Variants in TMTC2 observed in about 807,000 individuals in gnomAD.
The protein encoded by TMTC2 is transmembrane O-mannosyltransferase targeting cadherins 2, also known as protein O-mannosyl-transferase TMTC2.
Under a neutral mutation model 82.4 loss-of-function variants are expected in TMTC2, and 43 were observed. That is an observed-to-expected ratio of 0.52 (90% CI 0.41 to 0.67). The LOEUF is 0.67. Ranked by LOEUF, TMTC2 falls within the 30% of genes least tolerant of loss-of-function variation. The pLI is 0.00. For missense variants in TMTC2, 919 were observed against 1,012.4 expected (o/e 0.91, Z 1.25); for synonymous variants, 408 against 381.9 (o/e 1.07, Z -0.80).
intron 2 of TMTC2, among the ~76,000 whole-genome samples, chr12:82,882,765 C>T (rs2137157954): frequency 6.6e-6 from 1 of 152,110 alleles, no homozygotes; most frequent in South Asian, 2.1e-4. Flanking sequence ...AGTTTAAAAA[C>T]TATAGTCTAG....
intron 4 of TMTC2, among the ~76,000 whole-genome samples, chr12:82,957,215 A>C (rs1877662238): frequency 6.6e-6 from 1 of 152,152 alleles, no homozygotes; most frequent in African/African-American, 2.4e-5. Context: ...AAAAATAAAA[A>C]TCATTACCTA....
At chr12:83,002,375 A>G (rs1185243962) in intron 8 of TMTC2, among the ~76,000 whole-genome samples, 1 of 152,080 alleles carries the variant, frequency 6.6e-6, no homozygotes, top group Non-Finnish European at 1.5e-5. Context: ...ATGATCTATC[A>G]ACTTTGTTTA....
At chr12:83,009,501 A>AC (rs1408456477) in intron 8 of TMTC2, among the ~76,000 whole-genome samples, 1 of 152,078 alleles carries the variant, frequency 6.6e-6, no homozygotes, top group Non-Finnish European at 1.5e-5. Flanking sequence ...CTTTCTCTCC[A>AC]CATTGTAGGG....
intron 11 of TMTC2, among the ~76,000 whole-genome samples, chr12:83,084,876 A>G (rs1278000810): frequency 6.6e-6 from 1 of 152,240 alleles, no homozygotes; most frequent in Non-Finnish European, 1.5e-5. Flanking sequence ...CACTTTTAGA[A>G]ATCTGACTAT....
chr12:82,987,313 A>G (rs1273927775), intron 8 of TMTC2, among the ~76,000 whole-genome samples: 2 of 151,224 alleles, frequency 1.3e-5, no homozygotes, highest in African/African-American at 2.4e-5. Context: ...TATCCCAGCT[A>G]CTCAGGTGGC....
chr12:83,004,931 C>T (rs1490843094), intron 8 of TMTC2, among the ~76,000 whole-genome samples: 1 of 150,884 alleles, frequency 6.6e-6, no homozygotes, highest in Non-Finnish European at 1.5e-5. Context: ...GAGGGCGGAT[C>T]ACTTGAGGTC....
At chr12:82,954,823 T>C (rs560713672) in intron 4 of TMTC2, among the ~76,000 whole-genome samples, 60 of 152,374 alleles carry the variant, frequency 3.9e-4, no homozygotes, top group African/African-American at 1.4e-3. Context: ...AAAGAGACAC[T>C]GACAATTTGG....
chr12:82,766,986 G>C (rs1429598660), intron 1 of TMTC2, among the ~76,000 whole-genome samples: 1 of 152,086 alleles, frequency 6.6e-6, no homozygotes, highest in Admixed American at 6.5e-5. Flanking sequence ...TGTATTTTTA[G>C]TAGAGATGGG....
chr12:82,939,822 C>T (rs1347646772), intron 4 of TMTC2, among the ~76,000 whole-genome samples: 2 of 152,114 alleles, frequency 1.3e-5, no homozygotes, highest in South Asian at 2.1e-4. Context: ...ATTTGTTTCC[C>T]ACACTTCTTG....
chr12:82,823,931 T>C (rs952782074), intron 1 of TMTC2, among the ~76,000 whole-genome samples: 1 of 150,656 alleles, frequency 6.6e-6, no homozygotes, highest in African/African-American at 2.4e-5. Context: ...TCTCGCTCTA[T>C]CACCCATGCT....
rs1883976113 is a variant in TMTC2 at position 83,095,069 on chromosome 12, C to T, written c.2331+33238C>T. Among the ~76,000 whole-genome samples, 3 of 152,170 alleles carry T rather than the reference C, an allele frequency of 2.0e-5. No homozygotes were observed. The South Asian group carries it at 6.2e-4, about 32-fold the overall frequency. ...ACTTAAAAAACATGGCACATTAGTG[C>T]CAGTTGGGGAAGCTTACAAGGGAAT... On this transcript the variant is annotated intron_variant, in intron 11 of 11. Transcript: ENST00000321196.
intron 1 of TMTC2, among the ~76,000 whole-genome samples, chr12:82,826,660 T>C (rs567979203): frequency 2.0e-5 from 3 of 152,332 alleles, no homozygotes; most frequent in African/African-American, 7.2e-5. Context: ...AGAAAGTCTT[T>C]CTTAATTACT....
intron 11 of TMTC2, among the ~76,000 whole-genome samples, chr12:83,086,178 C>T (rs1317422606): frequency 1.3e-5 from 2 of 151,958 alleles, no homozygotes; most frequent in Non-Finnish European, 2.9e-5. Flanking sequence ...GCACGGTGGC[C>T]GGGCAGAGGT....
chr12:83,101,365 G>A (rs1290336793), intron 11 of TMTC2, among the ~76,000 whole-genome samples: 1 of 152,130 alleles, frequency 6.6e-6, no homozygotes, highest in Non-Finnish European at 1.5e-5. Context: ...TGATTTCATA[G>A]ACCCCAAATA....
intron 1 of TMTC2, among the ~76,000 whole-genome samples, chr12:82,713,024 GAA>G (rs1401772368): frequency 2.0e-5 from 3 of 152,222 alleles, no homozygotes; most frequent in Non-Finnish European, 4.4e-5. Flanking sequence ...AAATGAGTAA[GAA>G]AGAGTTTAGG....
intron 1 of TMTC2, among the ~76,000 whole-genome samples, chr12:82,720,718 C>T (rs145729957): frequency 3.0e-3 from 450 of 152,276 alleles, no homozygotes; most frequent in Admixed American, 4.7e-3. Flanking sequence ...ATGTCACCAG[C>T]GCTTGTTGTT....
chr12:82,823,758 T>C (rs1869247391), intron 1 of TMTC2, among the ~76,000 whole-genome samples: 1 of 152,218 alleles, frequency 6.6e-6, no homozygotes. Flanking sequence ...ATAGATATTA[T>C]TTTATTCTTG....
chr12:82,821,644 G>A (rs956189410), intron 1 of TMTC2, among the ~76,000 whole-genome samples: 2 of 152,072 alleles, frequency 1.3e-5, no homozygotes, highest in African/African-American at 2.4e-5. Flanking sequence ...AGGCCAAGGC[G>A]GATGGATCAT....
At chr12:82,802,937 T>C (rs1342212300) in intron 1 of TMTC2, among the ~76,000 whole-genome samples, 1 of 152,116 alleles carries the variant, frequency 6.6e-6, no homozygotes, top group Non-Finnish European at 1.5e-5. Context: ...TTTGTAGTCA[T>C]GAGGGCTTGA....
Sources: gnomAD v4.1 joint callset for allele counts (sites outside exome capture counted in the v4.1 genomes callset) on GRCh38, gnomAD v4.1.1 for gene constraint, MANE v1.5 for transcripts, NCBI Gene and HGNC (gene_info 2026-07-23, HGNC 2026-07-21) for gene names.